Variants in TRPV2 observed in about 807,000 individuals in gnomAD.
The protein encoded by TRPV2 is transient receptor potential cation channel subfamily V member 2.
In TRPV2, 58 loss-of-function variants were observed where a neutral mutation model predicts 91.0. That is an observed-to-expected ratio of 0.64 (90% CI 0.52 to 0.79). TRPV2 has a LOEUF of 0.79. Ranked by LOEUF, TRPV2 falls within the 30% of genes least tolerant of loss-of-function variation. The pLI is 0.00. For synonymous variants in TRPV2, 417 were observed against 414.8 expected (o/e 1.01, Z -0.06); for missense variants, 807 against 969.6 (o/e 0.83, Z 2.23).
chr17:16,434,269 C>T (rs35540454), intron 13 of TRPV2, among the ~76,000 whole-genome samples: 28,883 of 151,982 alleles, frequency 0.19, 3,383 homozygotes, highest in Middle Eastern at 0.3. Flanking sequence ...GAGATCGAGA[C>T]CATCCTGGCT....
Position 16,426,143 on chromosome 17 carries a change from C to A in TRPV2, c.969C>A (p.His323Gln), listed in dbSNP as rs2093381965. Residue 323 changes from histidine to glutamine, a missense_variant, in exon 6 of 15, where the codon CAC (histidine) becomes CAA (glutamine). Transcript: ENST00000338560. The surrounding 1 kb of genome is among the most constrained non-coding windows in gnomAD (Gnocchi z 6.0). ...ILQREFSGLS[H>Q]LSRKFTEWCY... The stretch of plus-strand genomic sequence containing the variant: ...AGCGGGAGTTTTCAGGACTGAGCCA[C>A]CTTTCCCGAAAGTTCACCGAGTGGT... 3 of 1,614,148 alleles carry A rather than the reference C, an allele frequency of 1.9e-6. No individual in the cohort carries two copies. The highest frequency in any genetic ancestry group is 2.2e-5 in the South Asian group (2 of 91,080).
chr17:16,428,714 T>C, intron 9 of TRPV2, 103 bp from the exon 10 acceptor site: 1 of 1,349,274 alleles, frequency 7.4e-7, no homozygotes, highest in Non-Finnish European at 1.0e-6. Flanking sequence ...AGAGGTTAAA[T>C]GTCTTGCCTA....
At chr17:16,420,375 A>C in intron 3 of TRPV2, 127 bp downstream of exon 3, 1 of 1,211,462 alleles carries the variant, frequency 8.3e-7, no homozygotes, top group Non-Finnish European at 1.2e-6. Flanking sequence ...CACTGGAAGG[A>C]TGGCTGGGGG....
chr17:16,428,439 G>A, intron 9 of TRPV2, 52 bp downstream of exon 9: 1 of 1,586,830 alleles, frequency 6.3e-7, no homozygotes, highest in Non-Finnish European at 8.7e-7. Context: ...GGTCTGGAAG[G>A]GGCAGTTGTG....
At chr17:16,436,709 CTG>C in intron 14 of TRPV2, 78 bp from the exon 15 acceptor site, 1 of 1,000,818 alleles carries the variant, frequency 1.0e-6, no homozygotes, top group East Asian at 2.4e-5. Flanking sequence ...GTTTTCATGA[CTG>C]TGGCCCCGTT....
At chr17:16,431,297 T>A (rs1248703808) in intron 10 of TRPV2, among the ~76,000 whole-genome samples, 6,815 of 75,270 alleles carry the variant, frequency 0.091, 411 homozygotes, top group Non-Finnish European at 0.13. Context: ...ACATATTTTT[T>A]TTTTTTTTTT....
At chr17:16,424,324 A>AT (rs1169925709) in intron 5 of TRPV2, among the ~76,000 whole-genome samples, 14 of 149,514 alleles carry the variant, frequency 9.4e-5, no homozygotes, top group East Asian at 2.0e-4. Context: ...TGCCTGGCTA[A>AT]TTTTTTTTTT....
intron 10 of TRPV2, among the ~76,000 whole-genome samples, chr17:16,431,283 ATATACATATTTTTTTT>A (rs962178729): frequency 3.9e-5 from 2 of 51,284 alleles, no homozygotes; most frequent in Non-Finnish European, 8.0e-5. Context: ...ATATATATAT[ATATACATATTTTTTTT>A]TTTTTTTTTT....
intron 8 of TRPV2, among the ~76,000 whole-genome samples, chr17:16,427,951 C>G (rs899600256): frequency 3.9e-5 from 6 of 152,194 alleles, no homozygotes; most frequent in African/African-American, 1.4e-4. Flanking sequence ...GCCTGCAGGA[C>G]ACAGGCTGGA....
intron 7 of TRPV2, 118 bp from the exon 8 acceptor site, chr17:16,427,331 C>A: frequency 1.1e-6 from 1 of 891,256 alleles, no homozygotes; most frequent in Non-Finnish European, 1.7e-6. Context: ...GTTCCCATGC[C>A]GTTCTGAGGA....
chr17:16,417,102 C>T (rs751430501), intron 1 of TRPV2, among the ~76,000 whole-genome samples: 2 of 152,158 alleles, frequency 1.3e-5, no homozygotes, highest in Non-Finnish European at 2.9e-5. Context: ...GTTCCTCACC[C>T]CACAGGCCTC....
chr17:16,434,622 TCTC>T (rs1237305803), intron 13 of TRPV2: 1 of 436,696 alleles, frequency 2.3e-6, no homozygotes, highest in African/African-American at 2.1e-5. Context: ...GAATTCCTCT[TCTC>T]TGGTTGTTCT....
chr17:16,432,238 G>A lies in TRPV2; in HGVS notation c.1927G>A (p.Ala643Thr). Residue 643 changes from alanine to threonine, a missense_variant, in exon 12 of 15, where the codon GCC (alanine) becomes ACC (threonine). Transcript: ENST00000338560. ...CATCCTGCTGCTCAACATGCTCATC[G>A]CCCTCATGAGCGAGACCGTCAACAG... ...TYILLLNMLI[A>T]LMSETVNSVA... 1.9e-6 allele frequency: 3 copies of A among 1,613,726 alleles called. No homozygotes were observed. Among genetic ancestry groups the A allele is most frequent in the East Asian group, 2.2e-5 (1 of 44,864 alleles).
In TRPV2 at chr17:16,427,943, C is replaced by T. The variant is rs371384800; in HGVS notation, c.1351-374C>T. On this transcript the variant is annotated intron_variant, in intron 8 of 14. Coordinates refer to ENST00000338560, the MANE Select transcript of TRPV2 (RefSeq NM_016113.5). The stretch of plus-strand genomic sequence containing the variant: ...CTCTTCAGTGGGAAATGCTGTAAGC[C>T]TGCAGGACACAGGCTGGACACCAAG... Among the ~76,000 whole-genome samples the T allele has an allele frequency of 2.2e-4, 34 of 152,268 alleles. No individual in the cohort carries two copies. The South Asian group carries it at 7.1e-3, about 32-fold the overall frequency.
rs759842481 is a variant in TRPV2, at chr17:16,426,166, G to T, written c.992G>T (p.Trp331Leu). 6.2e-7 allele frequency: 1 copy of T among 1,614,212 alleles called. No homozygotes were observed. Among genetic ancestry groups the T allele is most frequent in the Non-Finnish European group, 8.5e-7 (1 of 1,180,038 alleles). Residue 331 changes from tryptophan to leucine, a missense_variant, in exon 6 of 15, where the codon TGG becomes TTG. Coordinates refer to ENST00000338560, the MANE Select transcript of TRPV2 (RefSeq NM_016113.5). This position sits in a 1 kb window ranked among gnomAD's most constrained non-coding sequence, Gnocchi z 6.0. ...LSHLSRKFTE[W>L]CYGPVRVSLY... Reference sequence around the variant, plus strand: ...CACCTTTCCCGAAAGTTCACCGAGTGGTGCTATGGGCCTGTCCGGGTGTCG... The same window carrying T: ...CACCTTTCCCGAAAGTTCACCGAGTTGTGCTATGGGCCTGTCCGGGTGTCG...
At chr17:16,434,356 T>C (rs2142999904) in intron 13 of TRPV2, among the ~76,000 whole-genome samples, 1 of 151,040 alleles carries the variant, frequency 6.6e-6, no homozygotes, top group Admixed American at 6.6e-5. Flanking sequence ...TAGTCCCAGC[T>C]ACTCAGGAGG....
rs747618934 is a variant in TRPV2 at position 16,436,778 on chromosome 17, T to A, written c.2195-11T>A. 6.2e-7 allele frequency: 1 copy of A among 1,604,186 alleles called. No individual in the cohort carries two copies. The highest frequency in any genetic ancestry group is 8.5e-7 in the Non-Finnish European group (1 of 1,171,030). ...AAGGGTTAAGCTACAGTGCTTGCCA[T>A]CTGTTTACAGGAACTCTCGAGAACC... On this transcript the variant is annotated splice_polypyrimidine_tract_variant and intron_variant, in intron 14 of 14. Transcript: ENST00000338560.
chr17:16,428,765 G>T, intron 9 of TRPV2, 52 bp from the exon 10 acceptor site: 2 of 1,608,510 alleles, frequency 1.2e-6, no homozygotes, highest in South Asian at 1.1e-5. Context: ...GCCAGTGGGG[G>T]CTCAGGGAGC....
intron 10 of TRPV2, among the ~76,000 whole-genome samples, chr17:16,431,281 ATATATACATATTTTT>A (rs1457346927): frequency 3.4e-5 from 2 of 59,460 alleles, no homozygotes; most frequent in Admixed American, 2.1e-4. Context: ...ATATATATAT[ATATATACATATTTTT>A]TTTTTTTTTT....
Sources: allele counts gnomAD v4.1 joint callset (sites outside exome capture counted in the v4.1 genomes callset), GRCh38; gene constraint gnomAD v4.1.1; non-coding constraint Gnocchi (gnomAD v3.1); transcripts MANE v1.5; gene names NCBI Gene and HGNC (gene_info 2026-07-23, HGNC 2026-07-21).